The following SLC30A8 variants were observed in gnomAD, a reference collection of about 807,000 sequenced individuals.
SLC30A8 encodes the protein proton-coupled zinc antiporter SLC30A8.
Under a neutral mutation model 36.9 loss-of-function variants are expected in SLC30A8, and 27 were observed. That is an observed-to-expected ratio of 0.73 (90% CI 0.54 to 1.01). The LOEUF is 1.01. SLC30A8 is among the 50% of genes least tolerant of loss of function. The probability of loss-of-function intolerance (pLI) is 0.00; values close to 1 mark genes in which losing one functional copy is unlikely to be tolerated. For synonymous variants in SLC30A8, 164 were observed against 172.4 expected, an observed-to-expected ratio of 0.95 and a Z score of 0.38; for missense variants, 439 against 452.0, an observed-to-expected ratio of 0.97 and a Z score of 0.26.
intron 6 of SLC30A8, among the ~76,000 whole-genome samples, chr8:117,170,314 A>G (rs970182011): frequency 1.2e-4 from 18 of 152,174 alleles, no homozygotes; most frequent in African/African-American, 4.1e-4. Context: ...TATTTTTAAT[A>G]AACACCCCAG....
At chr8:117,159,980 G>A (rs986063922) in intron 4 of SLC30A8, among the ~76,000 whole-genome samples, 1 of 152,168 alleles carries the variant, frequency 6.6e-6, no homozygotes, top group Non-Finnish European at 1.5e-5. Context: ...CAAGGCAGTT[G>A]GAAAGCTCTG....
rs190118679 is a variant in SLC30A8, at chr8:117,104,788, T to A, written c.-225-30492T>A. 1.4e-3 allele frequency among the ~76,000 whole-genome samples: 209 copies of A among 152,282 alleles called. 1 individual carries two copies. The highest frequency in any genetic ancestry group is 4.9e-3 in the African/African-American group (204 of 41,556). On this transcript the variant is annotated intron_variant, in intron 2 of 10. Transcript: ENST00000427715. The stretch of plus-strand genomic sequence containing the variant: ...CCAGAGAACTGTTGGTTGGCTATTT[T>A]TATGGTTATATCTTGATTATATGCT...
intron 1 of SLC30A8, among the ~76,000 whole-genome samples, chr8:116,990,370 T>G (rs1815592362): frequency 6.6e-6 from 1 of 152,150 alleles, no homozygotes; most frequent in African/African-American, 2.4e-5. Context: ...GTGATCAAGG[T>G]TATCCTCCCC....
At chr8:117,037,991 A>C (rs965135299) in intron 1 of SLC30A8, among the ~76,000 whole-genome samples, 1 of 152,246 alleles carries the variant, frequency 6.6e-6, no homozygotes, top group Non-Finnish European at 1.5e-5. Context: ...TTGCAGGTGA[A>C]GTTAGAGAAC....
At chr8:116,986,849 A>T (rs1815460415) in intron 1 of SLC30A8, among the ~76,000 whole-genome samples, 1 of 152,200 alleles carries the variant, frequency 6.6e-6, no homozygotes, top group Admixed American at 6.5e-5. Context: ...ATAGAGAAAA[A>T]AATGTAGACC....
intron 2 of SLC30A8, among the ~76,000 whole-genome samples, chr8:117,062,960 C>T (rs763015754): frequency 5.3e-5 from 8 of 152,298 alleles, no homozygotes; most frequent in East Asian, 1.9e-4. Context: ...TCCATTTATA[C>T]GGTGCAGGAC....
chr8:117,069,305 A>G (rs770027668), intron 2 of SLC30A8, among the ~76,000 whole-genome samples: 1 of 152,214 alleles, frequency 6.6e-6, no homozygotes, highest in African/African-American at 2.4e-5. Flanking sequence ...TGGTGTTCCA[A>G]AATTTAAAAT....
At chr8:117,070,438 C>T (rs1309073378) in intron 2 of SLC30A8, among the ~76,000 whole-genome samples, 2 of 152,158 alleles carry the variant, frequency 1.3e-5, no homozygotes, top group African/African-American at 4.8e-5. Flanking sequence ...CTGGTCAGGG[C>T]AGCATTTCAA....
intron 2 of SLC30A8, among the ~76,000 whole-genome samples, chr8:117,045,963 A>T (rs11781067): frequency 1.3e-5 from 2 of 150,330 alleles, no homozygotes; most frequent in African/African-American, 2.5e-5. Flanking sequence ...TTTTTTTAAA[A>T]CTGACAGAAG....
chr8:117,104,345 A>G (rs1162550636), intron 2 of SLC30A8, among the ~76,000 whole-genome samples: 3 of 152,154 alleles, frequency 2.0e-5, no homozygotes, highest in Admixed American at 2.0e-4. Context: ...TATTGCTCGC[A>G]GGTTCTGCTC....
intron 2 of SLC30A8, among the ~76,000 whole-genome samples, chr8:117,098,814 A>G (rs116668156): frequency 0.033 from 4,979 of 152,210 alleles, 188 homozygotes; most frequent in African/African-American, 0.096. Context: ...GATGAATTGG[A>G]GGAAGTTCAG....
intron 2 of SLC30A8, among the ~76,000 whole-genome samples, chr8:117,107,897 G>C (rs1247400649): frequency 6.6e-6 from 1 of 152,102 alleles, no homozygotes; most frequent in African/African-American, 2.4e-5. Flanking sequence ...TAGCAAAACT[G>C]AATCAATCCA....
chr8:116,974,049 G>T (rs1174059175), intron 1 of SLC30A8, among the ~76,000 whole-genome samples: 5 of 152,038 alleles, frequency 3.3e-5, no homozygotes, highest in Non-Finnish European at 5.9e-5. Flanking sequence ...CAAGATGGAT[G>T]AAAGACTTAA....
chr8:116,979,453 T>G (rs1374142034), intron 1 of SLC30A8, among the ~76,000 whole-genome samples: 1 of 152,160 alleles, frequency 6.6e-6, no homozygotes, highest in Non-Finnish European at 1.5e-5. Flanking sequence ...TGTCGTTGGC[T>G]TCCATTCTGC....
chr8:117,034,874 A>AAAC (rs914707929), intron 1 of SLC30A8, among the ~76,000 whole-genome samples: 4 of 152,144 alleles, frequency 2.6e-5, no homozygotes, highest in Non-Finnish European at 4.4e-5. Context: ...ACAGAGAAAG[A>AAAC]AACAGACAGA....
intron 6 of SLC30A8, among the ~76,000 whole-genome samples, chr8:117,167,583 C>G (rs1168619029): frequency 6.6e-6 from 1 of 151,446 alleles, no homozygotes; most frequent in Admixed American, 6.6e-5. Flanking sequence ...CACATTTTTT[C>G]TCTGCACCTG....
At chr8:117,074,487 A>G (rs796960707) in intron 2 of SLC30A8, among the ~76,000 whole-genome samples, 8 of 152,302 alleles carry the variant, frequency 5.3e-5, no homozygotes, top group African/African-American at 1.9e-4. Flanking sequence ...GAAAATTGCT[A>G]CATGCTATAC....
At chr8:117,070,911 G>GTA (rs895609936) in intron 2 of SLC30A8, among the ~76,000 whole-genome samples, 3 of 152,116 alleles carry the variant, frequency 2.0e-5, no homozygotes, top group African/African-American at 4.8e-5. Flanking sequence ...ATTCCATTGT[G>GTA]TATATATATC....
At chr8:117,163,563 A>G (rs1822901841) in intron 6 of SLC30A8, 33 bp downstream of exon 6, 1 of 1,500,066 alleles carries the variant, frequency 6.7e-7, no homozygotes, top group Non-Finnish European at 9.2e-7. Flanking sequence ...TCCCAGAGTC[A>G]GTGTTTTCTC....
Sources: gnomAD v4.1 joint callset for allele counts (sites outside exome capture counted in the v4.1 genomes callset) on GRCh38, gnomAD v4.1.1 for gene constraint, MANE v1.5 for transcripts, NCBI Gene and HGNC (gene_info 2026-07-23, HGNC 2026-07-21) for gene names.